Variants in GRK5 observed in about 807,000 individuals in gnomAD.
The protein encoded by GRK5 is g protein-coupled receptor kinase GRK5.
Under a neutral mutation model 78.4 loss-of-function variants are expected in GRK5, and 40 were observed. The ratio of observed to expected loss-of-function variants is 0.51; its 90% CI spans 0.40 to 0.66. GRK5 has a LOEUF of 0.66. Ranked by LOEUF, GRK5 falls within the 30% of genes least tolerant of loss-of-function variation. The pLI is 0.00. For synonymous variants in GRK5, 289 were observed against 296.8 expected, an observed-to-expected ratio of 0.97 and a Z score of 0.27; for missense variants, 598 against 759.9, an observed-to-expected ratio of 0.79 and a Z score of 2.50.
intron 2 of GRK5, among the ~76,000 whole-genome samples, chr10:119,371,844 G>A (rs564793024): frequency 1.3e-5 from 2 of 152,374 alleles, no homozygotes; most frequent in Non-Finnish European, 2.9e-5. Flanking sequence ...CACCTACTGT[G>A]TGCTGAGGCT....
At chr10:119,223,068 G>A (rs188549253) in intron 1 of GRK5, among the ~76,000 whole-genome samples, 72 of 152,336 alleles carry the variant, frequency 4.7e-4, no homozygotes, top group African/African-American at 1.6e-3. Context: ...CACAGTTCTG[G>A]AGGCCAGACG....
At chr10:119,256,062 G>A (rs2133759666) in intron 1 of GRK5, among the ~76,000 whole-genome samples, 1 of 152,260 alleles carries the variant, frequency 6.6e-6, no homozygotes, top group Middle Eastern at 3.4e-3. Flanking sequence ...AAGCAAACCA[G>A]TTTGAAACCC....
At position 119,378,387 on chromosome 10, in the gene GRK5, AG is replaced by A. The variant is rs1459209013; in HGVS notation, c.149-2426del. Among the ~76,000 whole-genome samples, 1 of 152,232 alleles carries A rather than the reference AG, an allele frequency of 6.6e-6. No individual in the cohort carries two copies. Among genetic ancestry groups the A allele is most frequent in the Non-Finnish European group, 1.5e-5 (1 of 68,040 alleles). On this transcript the variant is annotated intron_variant, in intron 2 of 15. Transcript: ENST00000392870. The surrounding 1 kb of genome is among the most constrained non-coding windows in gnomAD (Gnocchi z 4.5). Reference sequence around the variant, plus strand: ...AGAGTGGGCCAAGAGGGGACTTGGCAGGTTGCTCATCCATGCTGATCCAAAT... The same window carrying A: ...AGAGTGGGCCAAGAGGGGACTTGGCAGTTGCTCATCCATGCTGATCCAAAT...
At chr10:119,391,478 AAGCGTGGGAGGGAAATCAGT>A (rs1851887098) in intron 3 of GRK5, among the ~76,000 whole-genome samples, 1 of 152,208 alleles carries the variant, frequency 6.6e-6, no homozygotes, top group East Asian at 1.9e-4. Flanking sequence ...CCTATTTACA[AAGCGTGGGAGGGAAATCAGT>A]AGCTGCTGAT....
intron 2 of GRK5, among the ~76,000 whole-genome samples, chr10:119,338,973 C>T (rs1442629424): frequency 1.3e-5 from 2 of 152,146 alleles, no homozygotes; most frequent in Admixed American, 6.5e-5. Flanking sequence ...ATCTATGGCT[C>T]AAAGTAAGAA....
intron 2 of GRK5, among the ~76,000 whole-genome samples, chr10:119,341,890 C>T (rs962744233): frequency 2.6e-5 from 4 of 152,244 alleles, no homozygotes; most frequent in East Asian, 1.9e-4. Flanking sequence ...ATGTCAGTTC[C>T]GAAGTAGCCG....
At chr10:119,375,522 A>G (rs577679841) in intron 2 of GRK5, among the ~76,000 whole-genome samples, 33 of 152,220 alleles carry the variant, frequency 2.2e-4, no homozygotes, top group Non-Finnish European at 4.6e-4. Flanking sequence ...GTTTTGTTAC[A>G]TAGACATTGT....
At chr10:119,421,484 T>C (rs1852568334) in intron 4 of GRK5, among the ~76,000 whole-genome samples, 1 of 152,248 alleles carries the variant, frequency 6.6e-6, no homozygotes, top group African/African-American at 2.4e-5. Context: ...CTCAGGCTCC[T>C]GGCTCTTGGC....
chr10:119,286,457 T>A (rs1482762149), intron 1 of GRK5, among the ~76,000 whole-genome samples: 1 of 152,242 alleles, frequency 6.6e-6, no homozygotes, highest in African/African-American at 2.4e-5. Flanking sequence ...TACCATCTAA[T>A]TGTTGGTTGT....
chr10:119,431,307 C>T lies in GRK5; in HGVS notation c.598-80C>T, dbSNP rs1242594826. 1 of 1,498,986 alleles carries T rather than the reference C, an allele frequency of 6.7e-7. No individual in the cohort carries two copies. The highest frequency in any genetic ancestry group is 9.0e-7 in the Non-Finnish European group (1 of 1,114,148). 92.9% of individuals were successfully genotyped at this position (1,498,986 alleles called of 1,614,324 possible). A position where few individuals can be genotyped will look rare whatever the true frequency, so the allele number is the denominator to read the frequency against. ...CCCCATCCATTCTCTACCTGGGAGG[C>T]CTGTGGTCCCCGCCCTGGAGGAGCT... On this transcript the variant is annotated intron_variant, in intron 7 of 15. Coordinates refer to ENST00000392870, the MANE Select transcript of GRK5 (RefSeq NM_005308.3). The surrounding 1 kb of genome is among the most constrained non-coding windows in gnomAD (Gnocchi z 4.8).
At chr10:119,265,195 G>A (rs574659818) in intron 1 of GRK5, among the ~76,000 whole-genome samples, 6 of 152,282 alleles carry the variant, frequency 3.9e-5, no homozygotes, top group African/African-American at 9.6e-5. Flanking sequence ...CTTTCTGTTC[G>A]TTAGTTTTTA....
intron 1 of GRK5, among the ~76,000 whole-genome samples, chr10:119,247,831 C>T (rs1311834763): frequency 6.6e-6 from 1 of 152,104 alleles, no homozygotes; most frequent in African/African-American, 2.4e-5. Context: ...TAGAAGGATG[C>T]ATTTGGGATG....
At chr10:119,284,521 T>C (rs1303225436) in intron 1 of GRK5, among the ~76,000 whole-genome samples, 1 of 152,238 alleles carries the variant, frequency 6.6e-6, no homozygotes, top group Non-Finnish European at 1.5e-5. Context: ...TTCCTTTTTC[T>C]ATGCTAAGCA....
At chr10:119,448,734 C>A (rs955476828) in intron 13 of GRK5, among the ~76,000 whole-genome samples, 16 of 152,114 alleles carry the variant, frequency 1.1e-4, no homozygotes, top group Non-Finnish European at 2.2e-4. Context: ...ACATAAGAGG[C>A]CCCTCCCCCA....
intron 3 of GRK5, among the ~76,000 whole-genome samples, chr10:119,394,142 G>T: frequency 1.2e-5 from 1 of 82,070 alleles, no homozygotes; most frequent in East Asian, 3.3e-4. Flanking sequence ...GGGTATCTGT[G>T]GGTATGTGTG....
chr10:119,283,714 T>A (rs958505445), intron 1 of GRK5, among the ~76,000 whole-genome samples: 4 of 152,288 alleles, frequency 2.6e-5, no homozygotes, highest in Admixed American at 2.6e-4. Context: ...TCATCAAGGG[T>A]CACCCTGCAG....
At chr10:119,390,675 A>G (rs959834588) in intron 3 of GRK5, among the ~76,000 whole-genome samples, 2 of 152,218 alleles carry the variant, frequency 1.3e-5, no homozygotes, top group African/African-American at 4.8e-5. Context: ...AGCCTGGGCA[A>G]CAGAGTGAGA....
At chr10:119,231,331 G>A (rs986391708) in intron 1 of GRK5, among the ~76,000 whole-genome samples, 3 of 152,000 alleles carry the variant, frequency 2.0e-5, no homozygotes, top group African/African-American at 7.3e-5. Flanking sequence ...AAATACTGCT[G>A]TACCCCAATA....
chr10:119,386,472 T>C (rs999067499), intron 3 of GRK5, among the ~76,000 whole-genome samples: 1 of 152,164 alleles, frequency 6.6e-6, no homozygotes, highest in Non-Finnish European at 1.5e-5. Context: ...AAAAATCCAA[T>C]GGATGCCCAT....
Sources: allele counts gnomAD v4.1 joint callset (sites outside exome capture counted in the v4.1 genomes callset), GRCh38; gene constraint gnomAD v4.1.1; non-coding constraint Gnocchi (gnomAD v3.1); transcripts MANE v1.5; gene names NCBI Gene and HGNC (gene_info 2026-07-23, HGNC 2026-07-21).